NFIB: variants seen among roughly 807,000 people sequenced by gnomAD.
The protein encoded by NFIB is nuclear factor 1 B-type.
In NFIB, 11 loss-of-function variants were observed where a neutral mutation model predicts 61.5. The ratio of observed to expected loss-of-function variants is 0.18; its 90% confidence interval spans 0.11 to 0.30. NFIB has a LOEUF of 0.30. Among genes scored for constraint, NFIB ranks in the 10% least tolerant of loss-of-function variants. The probability of loss-of-function intolerance (pLI) is 1.00; values close to 1 mark genes in which losing one functional copy is unlikely to be tolerated. For missense variants in NFIB, 471 were observed against 608.9 expected, an observed-to-expected ratio of 0.77 and a Z score of 2.38; for synonymous variants, 260 against 216.5, an observed-to-expected ratio of 1.20 and a Z score of -1.76.
the NFIB span, among the ~76,000 whole-genome samples, chr9:14,405,271 G>C: frequency 6.6e-6 from 1 of 152,154 alleles, no homozygotes; most frequent in East Asian, 1.9e-4. Flanking sequence ...TCACCAATTA[G>C]ATTTTAGTGG....
Position 14,087,536 on chromosome 9 carries a change from G to C in NFIB, c.*773C>G. ...CCTACATAGAGGCATTTCTTCCATA[G>C]AGCCTTTGTGTTCAAACTGTTTTTT... On this transcript the variant is annotated 3_prime_UTR_variant, in exon 11 of 11. Coordinates refer to ENST00000380953, the MANE Select transcript of NFIB (RefSeq NM_001190737.2). The C allele has an allele frequency of 4.4e-6, 1 of 226,722 alleles. No individual in the cohort carries two copies. The highest frequency in any genetic ancestry group is 2.2e-5 in the African/African-American group (1 of 44,942). 14.0% of individuals were successfully genotyped at this position (226,722 alleles called of 1,614,324 possible).
chr9:14,377,900 T>G (rs898502497), intron 1 of NFIB, among the ~76,000 whole-genome samples: 10 of 152,186 alleles, frequency 6.6e-5, no homozygotes, highest in Non-Finnish European at 1.5e-4. Context: ...TTACGCCTAT[T>G]TTCCTATGAT....
chr9:14,393,459 A>G (rs189652284), intron 1 of NFIB, among the ~76,000 whole-genome samples: 21 of 152,290 alleles, frequency 1.4e-4, no homozygotes, highest in Admixed American at 1.2e-3. Flanking sequence ...TACTGGAAGC[A>G]CAGTCCTATA....
the NFIB span, among the ~76,000 whole-genome samples, chr9:14,485,096 A>C: frequency 2.0e-5 from 3 of 152,198 alleles, no homozygotes; most frequent in East Asian, 5.8e-4. Context: ...GATCTTATTT[A>C]ACCTTAATTA....
At chr9:14,527,009 G>A in the NFIB span, among the ~76,000 whole-genome samples, 1 of 152,106 alleles carries the variant, frequency 6.6e-6, no homozygotes, top group Non-Finnish European at 1.5e-5. Context: ...GTTACATTAT[G>A]CAGGCACATA....
At chr9:14,323,254 A>G (rs1196848758) in intron 1 of NFIB, among the ~76,000 whole-genome samples, 2 of 152,228 alleles carry the variant, frequency 1.3e-5, no homozygotes, top group African/African-American at 4.8e-5. Context: ...CACCAAAGAG[A>G]TAATACAACC....
chr9:14,329,671 T>C (rs2060797720), intron 1 of NFIB, among the ~76,000 whole-genome samples: 1 of 151,756 alleles, frequency 6.6e-6, no homozygotes, highest in African/African-American at 2.4e-5. Context: ...CGTACCACCA[T>C]GCCTGGCCAA....
In NFIB at chr9:14,088,142, T is replaced by C; in HGVS notation, c.*167A>G. 3 of 1,290,138 alleles carry C rather than the reference T, an allele frequency of 2.3e-6. No homozygotes were observed. The highest frequency in any genetic ancestry group is 3.1e-6 in the Non-Finnish European group (3 of 978,696). 79.9% of individuals were successfully genotyped at this position (1,290,138 alleles called of 1,614,324 possible). On this transcript the variant is annotated 3_prime_UTR_variant, in exon 11 of 11. Coordinates refer to ENST00000380953, the MANE Select transcript of NFIB (RefSeq NM_001190737.2). ...GTTTTGTCCAGTCTTCCTCTTTTCC[T>C]TTTTTTTTATTTAAAAAAAAAATTT...
At chr9:14,459,610 T>G in the NFIB span, among the ~76,000 whole-genome samples, 2 of 151,996 alleles carry the variant, frequency 1.3e-5, no homozygotes, top group African/African-American at 4.8e-5. Flanking sequence ...ATTTTTGCAA[T>G]CTACTCATCT....
chr9:14,212,886 T>C (rs1366583250), intron 2 of NFIB, among the ~76,000 whole-genome samples: 1 of 152,186 alleles, frequency 6.6e-6, no homozygotes, highest in Non-Finnish European at 1.5e-5. Context: ...AGATTAAATG[T>C]TTTACCCAAG....
intron 2 of NFIB, among the ~76,000 whole-genome samples, chr9:14,216,524 CTCTCTCTCTCTCTCTCTCCCTCTG>C (rs1192693740): frequency 3.2e-4 from 22 of 67,762 alleles, no homozygotes; most frequent in Middle Eastern, 0.013. Flanking sequence ...CTCTCTCTCT[CTCTCTCTCTCTCTCTCTCCCTCTG>C]TGTGTGTGTG....
At chr9:14,167,963 G>T (rs2045089699) in intron 3 of NFIB, among the ~76,000 whole-genome samples, 1 of 152,140 alleles carries the variant, frequency 6.6e-6, no homozygotes, top group Non-Finnish European at 1.5e-5. Flanking sequence ...AATTATATTG[G>T]AGTGCTACAA....
chr9:14,508,296 T>A, the NFIB span, among the ~76,000 whole-genome samples: 1 of 152,132 alleles, frequency 6.6e-6, no homozygotes, highest in Non-Finnish European at 1.5e-5. Context: ...GGAGCAGCAG[T>A]TGAGTGTAGT....
chr9:14,336,221 A>C (rs2060884650), intron 1 of NFIB, among the ~76,000 whole-genome samples: 2 of 152,258 alleles, frequency 1.3e-5, no homozygotes, highest in African/African-American at 4.8e-5. Flanking sequence ...ACCATGTTAC[A>C]ACATGAAGCT....
At chr9:14,246,072 TC>T (rs1202201818) in intron 2 of NFIB, among the ~76,000 whole-genome samples, 4 of 151,108 alleles carry the variant, frequency 2.6e-5, no homozygotes, top group Non-Finnish European at 4.4e-5. Flanking sequence ...CCTCTCTAAT[TC>T]CTGAGAATTA....
intron 10 of NFIB, among the ~76,000 whole-genome samples, 190 bp downstream of exon 10, chr9:14,112,809 T>G (rs983472868): frequency 6.6e-6 from 1 of 152,184 alleles, no homozygotes; most frequent in African/African-American, 2.4e-5. Flanking sequence ...CATGAGCCAA[T>G]TTGAGAAACT....
chr9:14,216,492 TTCTCTC>T (rs993666009), intron 2 of NFIB, among the ~76,000 whole-genome samples: 8 of 110,740 alleles, frequency 7.2e-5, no homozygotes, highest in African/African-American at 2.2e-4. Flanking sequence ...TCTCCATTCT[TTCTCTC>T]TCTCTCTCTC....
In NFIB at chr9:14,349,051, A is replaced by G. The variant is rs2061071629; in HGVS notation, c.109-41531T>C. Among the ~76,000 whole-genome samples the G allele has an allele frequency of 2.6e-5, 4 of 152,120 alleles. 1 individual carries two copies. In the South Asian group the frequency reaches 8.3e-4, roughly 32 times the overall value. On this transcript the variant is annotated intron_variant, in intron 1 of 8. Transcript: ENST00000380934. ...CCGACGCTTGGACTCGCTGCAACCC[A>G]GGGGCTGCCTAAAGCTCTCGCACGA...
chr9:14,103,619 A>C (rs580845), intron 10 of NFIB, among the ~76,000 whole-genome samples: 88,167 of 152,030 alleles, frequency 0.58, 28,437 homozygotes, highest in African/African-American at 0.86. Context: ...CTTTTAGACT[A>C]TCGAGCTTCT....
Sources: allele counts gnomAD v4.1 joint callset (sites outside exome capture counted in the v4.1 genomes callset), GRCh38; gene constraint gnomAD v4.1.1; transcripts MANE v1.5; gene names NCBI Gene and HGNC (gene_info 2026-07-23, HGNC 2026-07-21).